The following SLC35F4 variants were observed in gnomAD, a reference collection of about 807,000 sequenced individuals.
SLC35F4 encodes the protein solute carrier family 35 member F4.
SLC35F4 carries 24 observed loss-of-function variants against 44.2 expected under a neutral mutation model. The observed-to-expected ratio is 0.54, with a 90% CI of 0.39 to 0.76. The LOEUF (loss-of-function observed/expected upper bound fraction) is 0.76, where lower values mean the gene tolerates loss of function less well. Ranked by LOEUF, SLC35F4 falls within the 30% of genes least tolerant of loss-of-function variation. The pLI, the probability that SLC35F4 is intolerant of heterozygous loss-of-function variation, is 0.00. For missense variants in SLC35F4, 562 were observed against 586.1 expected (o/e 0.96, Z 0.42); for synonymous variants, 238 against 223.6 (o/e 1.06, Z -0.57).
At chr14:57,871,844 T>C (rs34627913) in intron 1 of SLC35F4, among the ~76,000 whole-genome samples, 15,470 of 152,250 alleles carry the variant, frequency 0.1, 1,186 homozygotes, top group East Asian at 0.4. Context: ...ATGACTCTGA[T>C]ACATACAAAG....
chr14:57,586,634 C>G lies in SLC35F4; in HGVS notation c.587+2582G>C, dbSNP rs1207499711. ...TCAGGAGGCTAAGGCAGGAGAATGT[C>G]GTGAACCCAGGAGGTGGAGCTGGCA... On this transcript the variant is annotated intron_variant, in intron 3 of 7. Coordinates refer to ENST00000556826, the MANE Select transcript of SLC35F4 (RefSeq NM_001306087.2). Among the ~76,000 whole-genome samples, 5 of 141,296 alleles carry G rather than the reference C, an allele frequency of 3.5e-5. No homozygotes were observed. The East Asian group carries it at 1.1e-3, about 31-fold the overall frequency. The allele number at this position is 141,296 out of a possible 152,430, so 92.7% of individuals were successfully genotyped here.
At chr14:57,711,419 T>C (rs1018145920) in intron 1 of SLC35F4, among the ~76,000 whole-genome samples, 2 of 152,084 alleles carry the variant, frequency 1.3e-5, no homozygotes, top group African/African-American at 4.8e-5. Context: ...ACACTACCCA[T>C]CAGGTTTAGA....
chr14:57,876,377 A>G (rs1034963827), intron 1 of SLC35F4, among the ~76,000 whole-genome samples: 1 of 152,188 alleles, frequency 6.6e-6, no homozygotes, highest in Non-Finnish European at 1.5e-5. Flanking sequence ...AGGGACATGA[A>G]TAAATCTTTT....
At position 57,596,406 on chromosome 14, in the gene SLC35F4, C is replaced by T. The variant is rs979576959; in HGVS notation, c.104-2282G>A. ...TGTTTCTAATTGGACAATTCAAGTT[C>T]GATAAAAACGGACTGTCTGAAATTC... On this transcript the variant is annotated intron_variant, in intron 1 of 7. Transcript: ENST00000556826. 32 of 261,536 alleles carry T rather than the reference C, an allele frequency of 1.2e-4. No homozygotes were observed. The South Asian group carries it at 1.3e-3, about 10-fold the overall frequency. 16.2% of individuals were successfully genotyped at this position (261,536 alleles called of 1,614,324 possible).
chr14:57,927,771 A>T (rs1889610102), intron 1 of SLC35F4, among the ~76,000 whole-genome samples: 1 of 152,102 alleles, frequency 6.6e-6, no homozygotes, highest in Non-Finnish European at 1.5e-5. Flanking sequence ...GATTACAGGC[A>T]TTAGCCATCA....
chr14:57,594,278 C>T lies in SLC35F4; in HGVS notation c.104-154G>A, dbSNP rs75055735. On this transcript the variant is annotated intron_variant, in intron 1 of 7. Transcript: ENST00000556826. ...GATCTCGAGTCACTGCAGCCTCTGC[C>T]TCCCAGGTTCGAGCAATTCTCCTGC... 1.2e-3 allele frequency among the ~76,000 whole-genome samples: 181 copies of T among 152,252 alleles called. 1 individual carries two copies. The East Asian group carries it at 0.033, about 28-fold the overall frequency.
intron 1 of SLC35F4, among the ~76,000 whole-genome samples, chr14:57,744,666 G>A (rs1039120979): frequency 6.6e-6 from 1 of 152,156 alleles, no homozygotes; most frequent in African/African-American, 2.4e-5. Context: ...GTAATTTACA[G>A]ATTCAATGCC....
chr14:57,703,982 T>A (rs1409224239), intron 1 of SLC35F4, among the ~76,000 whole-genome samples: 1 of 152,202 alleles, frequency 6.6e-6, no homozygotes, highest in African/African-American at 2.4e-5. Context: ...TAGAATTCCC[T>A]GCTGGAATTT....
chr14:57,831,623 G>A (rs1357956181), intron 1 of SLC35F4, among the ~76,000 whole-genome samples: 1 of 152,080 alleles, frequency 6.6e-6, no homozygotes, highest in Non-Finnish European at 1.5e-5. Context: ...TGTTTTCTGT[G>A]GAATTCTCAA....
intron 1 of SLC35F4, among the ~76,000 whole-genome samples, chr14:57,904,577 C>T (rs781499593): frequency 6.6e-5 from 10 of 152,190 alleles, no homozygotes; most frequent in Admixed American, 2.6e-4. Context: ...ATGGGAGAAA[C>T]ATTGAAGTGG....
chr14:57,973,214 T>G (rs1411794055), downstream of SLC35F4, among the ~76,000 whole-genome samples: 2 of 152,184 alleles, frequency 1.3e-5, no homozygotes, highest in African/African-American at 4.8e-5. Context: ...GGTGATACTT[T>G]CTTTTTCAGC....
intron 1 of SLC35F4, among the ~76,000 whole-genome samples, chr14:57,970,457 G>A (rs1881020054): frequency 6.6e-6 from 1 of 152,164 alleles, no homozygotes; most frequent in Non-Finnish European, 1.5e-5. Context: ...CTGCATGACA[G>A]TTGTCTTTTG....
At chr14:57,939,638 A>G (rs994406967) in intron 1 of SLC35F4, among the ~76,000 whole-genome samples, 14 of 152,230 alleles carry the variant, frequency 9.2e-5, no homozygotes, top group African/African-American at 3.4e-4. Flanking sequence ...TTTCTATCCA[A>G]TAGCGACTCA....
intron 4 of SLC35F4, among the ~76,000 whole-genome samples, chr14:57,573,545 T>C (rs1262888253): frequency 6.6e-6 from 1 of 152,008 alleles, no homozygotes; most frequent in Non-Finnish European, 1.5e-5. Flanking sequence ...AGTAATAGAC[T>C]CATCAATAAA....
intron 5 of SLC35F4, among the ~76,000 whole-genome samples, chr14:57,570,660 A>T (rs2068454060): frequency 6.6e-6 from 1 of 152,168 alleles, no homozygotes; most frequent in South Asian, 2.1e-4. Context: ...TCCCTATACT[A>T]ATCCTGTAAC....
At chr14:57,596,516 T>G (rs1330499217) in intron 1 of SLC35F4, 6 of 338,352 alleles carry the variant, frequency 1.8e-5, no homozygotes, top group Admixed American at 4.1e-5. Context: ...CTTTTGAAAT[T>G]TATTTTTATA....
At chr14:57,971,258 A>G (rs1881046206) in intron 1 of SLC35F4, among the ~76,000 whole-genome samples, 1 of 152,228 alleles carries the variant, frequency 6.6e-6, no homozygotes, top group Non-Finnish European at 1.5e-5. Flanking sequence ...ATAAACTGCA[A>G]TCCCTGCAAT....
At chr14:57,627,610 A>AT (rs1399458212) in intron 1 of SLC35F4, among the ~76,000 whole-genome samples, 1 of 152,128 alleles carries the variant, frequency 6.6e-6, no homozygotes, top group African/African-American at 2.4e-5. Context: ...TCAGATGATC[A>AT]CAGTCTCTTA....
intron 1 of SLC35F4, among the ~76,000 whole-genome samples, chr14:57,632,420 G>C (rs1398915651): frequency 6.6e-6 from 1 of 152,056 alleles, no homozygotes; most frequent in Non-Finnish European, 1.5e-5. Flanking sequence ...AGAGCTCACA[G>C]GAGGTAAAGA....
Sources: allele counts gnomAD v4.1 joint callset (sites outside exome capture counted in the v4.1 genomes callset), GRCh38; gene constraint gnomAD v4.1.1; transcripts MANE v1.5; gene names NCBI Gene and HGNC (gene_info 2026-07-23, HGNC 2026-07-21).